The following ACTL6A variants were observed in gnomAD, a reference collection of about 807,000 sequenced individuals.
ACTL6A encodes actin-like protein 6A.
In ACTL6A, 5 loss-of-function variants were observed where a neutral mutation model predicts 59.2. That is an observed-to-expected ratio of 0.08 (90% CI 0.04 to 0.18). ACTL6A has a LOEUF of 0.18. Ranked by LOEUF, ACTL6A falls within the 10% of genes least tolerant of loss-of-function variation. The probability of loss-of-function intolerance (pLI) is 1.00; values close to 1 mark genes in which losing one functional copy is unlikely to be tolerated. For synonymous variants in ACTL6A, 154 were observed against 171.8 expected, an observed-to-expected ratio of 0.90 and a Z score of 0.81; for missense variants, 285 against 526.9, an observed-to-expected ratio of 0.54 and a Z score of 4.49.
intron 6 of ACTL6A, 96 bp downstream of exon 6, chr3:179,576,407 T>C: frequency 9.9e-7 from 1 of 1,009,262 alleles, no homozygotes; most frequent in Non-Finnish European, 1.4e-6. Flanking sequence ...TTAAAGCATA[T>C]CAGTTTCTGA....
At chr3:179,564,308 A>G (rs1717766171) in intron 1 of ACTL6A, among the ~76,000 whole-genome samples, 1 of 152,222 alleles carries the variant, frequency 6.6e-6, no homozygotes, top group Non-Finnish European at 1.5e-5. Context: ...ACAGGTAGGA[A>G]ACAACAAAAA....
chr3:179,570,335 G>T lies in ACTL6A; in HGVS notation c.277+94G>T. Reference sequence around the variant, plus strand: ...TTCCTATAAGTTGAACATCAACCATGGTTTTTTGTTTTGTTTTGTTTTTTA... The same window carrying T: ...TTCCTATAAGTTGAACATCAACCATTGTTTTTTGTTTTGTTTTGTTTTTTA... On this transcript the variant is annotated intron_variant, in intron 3 of 13. Coordinates refer to ENST00000429709, the MANE Select transcript of ACTL6A (RefSeq NM_004301.5). This position sits in a 1 kb window ranked among gnomAD's most constrained non-coding sequence, Gnocchi z 4.3. 4.2e-6 allele frequency: 5 copies of T among 1,190,854 alleles called. No individual in the cohort carries two copies. Among genetic ancestry groups the T allele is most frequent in the South Asian group, 2.0e-5 (1 of 49,000 alleles). 73.8% of individuals were successfully genotyped at this position (1,190,854 alleles called of 1,614,324 possible). A position where few individuals can be genotyped will look rare whatever the true frequency, so the allele number is the denominator to read the frequency against.
intron 8 of ACTL6A, among the ~76,000 whole-genome samples, chr3:179,579,313 G>A (rs1718261409): frequency 6.6e-6 from 1 of 152,060 alleles, no homozygotes; most frequent in African/African-American, 2.4e-5. Context: ...CTCCTATTCT[G>A]TAGGTTGTTT....
Position 179,573,373 on chromosome 3 carries a change from A to G in ACTL6A, c.282A>G (p.Glu94=). 6.4e-7 allele frequency: 1 copy of G among 1,568,908 alleles called. No homozygotes were observed. Among genetic ancestry groups the G allele is most frequent in the Non-Finnish European group, 8.6e-7 (1 of 1,162,350 alleles). ...AISPLKNGMV[E]DWDSFQAILD... is the part of the protein sequence containing the mutation. ...GTTACTAATCTTATATTCTAGTTGA[A>G]GACTGGGATAGTTTCCAAGCTATTT... The change falls in exon 4 of 14, where the codon GAA becomes GAG. Residue 94 remains glutamate (E), a synonymous_variant. Coordinates refer to ENST00000429709, the MANE Select transcript of ACTL6A (RefSeq NM_004301.5).
intron 13 of ACTL6A, among the ~76,000 whole-genome samples, chr3:179,587,168 C>T (rs1461476295): frequency 6.6e-6 from 1 of 152,032 alleles, no homozygotes; most frequent in Non-Finnish European, 1.5e-5. Flanking sequence ...AGTTTATATA[C>T]TTATATCTAT....
chr3:179,568,192 AAG>A (rs1316434787), intron 1 of ACTL6A, among the ~76,000 whole-genome samples: 2 of 151,714 alleles, frequency 1.3e-5, no homozygotes, highest in African/African-American at 2.4e-5. Flanking sequence ...AAAAAAAAAA[AAG>A]AGATCATTCT....
In ACTL6A at chr3:179,578,176, C is replaced by T. The variant is rs563934963; in HGVS notation, c.768+1263C>T. 7.9e-5 allele frequency among the ~76,000 whole-genome samples: 12 copies of T among 152,108 alleles called. No homozygotes were observed. The South Asian group carries it at 1.2e-3, about 16-fold the overall frequency. ...AACAGAAAAATTAGCTAAGTGGGGCCGGGTGCAGTGGCTCACGCCTGTAAT... is the reference window on the plus strand; with the variant it reads ...AACAGAAAAATTAGCTAAGTGGGGCTGGGTGCAGTGGCTCACGCCTGTAAT... On this transcript the variant is annotated intron_variant, in intron 8 of 13. Transcript: ENST00000429709.
chr3:179,583,312 A>G (rs372570631), intron 11 of ACTL6A, 41 bp from the exon 12 acceptor site: 2 of 1,479,728 alleles, frequency 1.4e-6, no homozygotes, highest in African/African-American at 1.4e-5. Flanking sequence ...ACTTTTGGAA[A>G]CATATGGAAC....
intron 5 of ACTL6A, among the ~76,000 whole-genome samples, chr3:179,575,700 G>C (rs1268278728): frequency 6.6e-6 from 1 of 152,230 alleles, no homozygotes. Context: ...TTTACCAACT[G>C]TGGAATTCAC....
rs763437444 is a variant in ACTL6A at position 179,570,170 on chromosome 3, A to G, written c.206A>G (p.Tyr69Cys). The G allele has an allele frequency of 8.1e-6, 13 of 1,614,170 alleles. No individual in the cohort carries two copies. Among genetic ancestry groups the G allele is most frequent in the Non-Finnish European group, 1.1e-5 (13 of 1,180,016 alleles). Residue 69 changes from tyrosine to cysteine, a missense_variant, in exon 3 of 14, where the codon TAC becomes TGC. By Grantham distance (194) the Tyr-to-Cys change is radical. Transcript: ENST00000429709. This position sits in a 1 kb window ranked among gnomAD's most constrained non-coding sequence, Gnocchi z 4.3. ...GGCAAACAAGGCGGTCCCACCTACT[A>G]CATAGATACTAATGCTCTGCGTGTT... Reference protein sequence around the residue: ...DKGKQGGPTYYIDTNALRVPR... With the variant: ...DKGKQGGPTYCIDTNALRVPR...
rs74497104 is a variant in ACTL6A, at chr3:179,576,544, A to G, written c.572-76A>G. 7,642 of 1,144,772 alleles carry G rather than the reference A, an allele frequency of 6.7e-3. 53 individuals are homozygous for G. Among genetic ancestry groups the G allele is most frequent in the Non-Finnish European group, 8.8e-3 (6,820 of 775,830 alleles). 70.9% of individuals were successfully genotyped at this position (1,144,772 alleles called of 1,614,324 possible). On this transcript the variant is annotated intron_variant, in intron 6 of 13. Coordinates refer to ENST00000429709, the MANE Select transcript of ACTL6A (RefSeq NM_004301.5). ...CTACCTGAAAAAGTTATTCACATAA[A>G]TACACCCACAGAGGAAATTCGTTCA...
chr3:179,583,456 C>T lies in ACTL6A; in HGVS notation c.1122+8C>T. Reference sequence around the variant, plus strand: ...TCTCAGAAAACTCCTCCAGTAAGTTCTGTTTGTTCTTTAATGGTATTCTTC... The same window carrying T: ...TCTCAGAAAACTCCTCCAGTAAGTTTTGTTTGTTCTTTAATGGTATTCTTC... On this transcript the variant is annotated splice_region_variant and intron_variant, in intron 12 of 13. Coordinates refer to ENST00000429709, the MANE Select transcript of ACTL6A (RefSeq NM_004301.5). The T allele has an allele frequency of 6.3e-7, 1 of 1,596,262 alleles. No individual in the cohort carries two copies. Among genetic ancestry groups the T allele is most frequent in the South Asian group, 1.1e-5 (1 of 90,144 alleles).
intron 4 of ACTL6A, 147 bp downstream of exon 4, chr3:179,573,616 G>A (rs1428304965): frequency 6.7e-6 from 4 of 599,422 alleles, no homozygotes; most frequent in East Asian, 6.5e-5. Flanking sequence ...TAGGGAAAAG[G>A]ATTAATTTTT....
rs1718310513 is a variant in ACTL6A at position 179,580,696 on chromosome 3, T to A, written c.825T>A (p.Asp275Glu). Residue 275 changes from aspartate (D) to glutamate (E), a missense_variant, in exon 9 of 14, where the codon GAT becomes GAA. Transcript: ENST00000429709. ...TTCAAGTGTCAGATTCAACTTATGATGAACAGTATGTTTTCTTATTAAAAT... is the reference window on the plus strand; with the variant it reads ...TTCAAGTGTCAGATTCAACTTATGAAGAACAGTATGTTTTCTTATTAAAAT... ...SVLQVSDSTY[D>E]EQVAAQMPTV... 1 of 1,600,810 alleles carries A rather than the reference T, an allele frequency of 6.2e-7. No individual in the cohort carries two copies. Among genetic ancestry groups the A allele is most frequent in the East Asian group, 2.2e-5 (1 of 44,612 alleles).
intron 12 of ACTL6A, 28 bp from the exon 13 acceptor site, chr3:179,586,518 T>A (rs201525505): frequency 3.4e-4 from 492 of 1,442,094 alleles, no homozygotes; most frequent in Non-Finnish European, 4.3e-4. Context: ...AAGATTTGAT[T>A]GTACTAATGC....
At chr3:179,568,956 A>G (rs1313117228) in intron 1 of ACTL6A, among the ~76,000 whole-genome samples, 1 of 152,240 alleles carries the variant, frequency 6.6e-6, no homozygotes, top group Non-Finnish European at 1.5e-5. Flanking sequence ...GTAGCTGTTG[A>G]ACATTCTTTT....
chr3:179,566,809 C>A (rs1160491038), intron 1 of ACTL6A, among the ~76,000 whole-genome samples: 1 of 152,154 alleles, frequency 6.6e-6, no homozygotes, highest in African/African-American at 2.4e-5. Flanking sequence ...CCTGCCTCGG[C>A]CTCCAGAGTA....
At position 179,570,725 on chromosome 3, in the gene ACTL6A, T is replaced by C. The variant is rs1236449809; in HGVS notation, c.277+484T>C. 1.3e-5 allele frequency among the ~76,000 whole-genome samples: 2 copies of C among 152,278 alleles called. No homozygotes were observed. Among genetic ancestry groups the C allele is most frequent in the East Asian group, 3.9e-4 (2 of 5,184 alleles). On this transcript the variant is annotated intron_variant, in intron 3 of 13. Coordinates refer to ENST00000429709, the MANE Select transcript of ACTL6A (RefSeq NM_004301.5). The surrounding 1 kb of genome is among the most constrained non-coding windows in gnomAD (Gnocchi z 4.3). ...GAAAATGTAATACAATTAAGTATGG[T>C]TGCAGCATTGGGCTTATTAGGGTCA... is the stretch of plus-strand genomic sequence containing the variant.
Position 179,588,111 on chromosome 3 carries a change from A to C in ACTL6A, c.*101A>C, listed in dbSNP as rs187565777. 6.1e-5 allele frequency: 51 copies of C among 830,656 alleles called. No individual in the cohort carries two copies. The South Asian group carries it at 7.9e-4, about 13-fold the overall frequency. The allele number at this position is 830,656 out of a possible 1,614,324, so 51.5% of individuals were successfully genotyped here. A position where few individuals can be genotyped will look rare whatever the true frequency, so the allele number is the denominator to read the frequency against. ...ACCATCTTTTGTAGAATGTTTATAC[A>C]TTTTTGCATATTTCAATTTCCACTT... is the stretch of plus-strand genomic sequence containing the variant. On this transcript the variant is annotated 3_prime_UTR_variant, in exon 14 of 14. Transcript: ENST00000429709.
Sources: gnomAD v4.1 joint callset for allele counts (sites outside exome capture counted in the v4.1 genomes callset) on GRCh38, gnomAD v4.1.1 for gene constraint, Gnocchi (gnomAD v3.1) non-coding constraint, MANE v1.5 for transcripts, NCBI Gene and HGNC (gene_info 2026-07-23, HGNC 2026-07-21) for gene names.